Variants in CTNNA2 observed in about 807,000 individuals in gnomAD.
CTNNA2 encodes catenin alpha 2.
A neutral mutation model predicts 101.0 loss-of-function variants in CTNNA2; 42 were observed. The observed-to-expected ratio is 0.42, with a 90% CI of 0.32 to 0.54. The LOEUF is 0.54. CTNNA2 is among the 20% of genes least tolerant of loss of function. CTNNA2 has a pLI of 0.14. For synonymous variants in CTNNA2, 450 were observed against 456.4 expected, an observed-to-expected ratio of 0.99 and a Z score of 0.18; for missense variants, 871 against 1,223.1, an observed-to-expected ratio of 0.71 and a Z score of 4.29.
Position 79,209,741 on chromosome 2 carries a change from C to G in CTNNA2, c.-406+11665C>G, listed in dbSNP as rs188002741. 9.0e-5 allele frequency among the ~76,000 whole-genome samples: 3 copies of G among 33,350 alleles called. No individual in the cohort carries two copies. In the African/African-American group the frequency reaches 1.6e-3, roughly 18 times the overall value. 21.9% of individuals were successfully genotyped at this position (33,350 alleles called of 152,430 possible). ...CTTATCTATCAGGTCTGAAATATTA[C>G]TCCTTAAGGGTCCTTGAAGATTTTG... On this transcript the variant is annotated intron_variant, in intron 2 of 21. Coordinates refer to the CTNNA2 transcript ENST00000466387.
At chr2:79,319,843 A>G (rs1676578357) in intron 3 of CTNNA2, 1 of 152,182 alleles carries the variant, frequency 6.6e-6, no homozygotes, top group Admixed American at 6.5e-5. Flanking sequence ...AAAAGCAAGA[A>G]GCAGGAAGAT....
At chr2:80,055,045 G>A (rs111812245) in intron 7 of CTNNA2, among the ~76,000 whole-genome samples, 2,770 of 151,952 alleles carry the variant, frequency 0.018, 79 homozygotes, top group African/African-American at 0.063. Flanking sequence ...GTTATTTTTC[G>A]AGACAAGGTC....
At chr2:80,073,372 C>A (rs1286533630) in intron 7 of CTNNA2, among the ~76,000 whole-genome samples, 16 of 152,108 alleles carry the variant, frequency 1.1e-4, no homozygotes, top group African/African-American at 3.4e-4. Context: ...GGGCAGAGAT[C>A]ATCAGAGATT....
chr2:80,111,764 G>A (rs1399731473), intron 7 of CTNNA2, among the ~76,000 whole-genome samples: 6 of 152,090 alleles, frequency 3.9e-5, no homozygotes, highest in Non-Finnish European at 1.5e-5. Context: ...CTGATCTCAA[G>A]CAACCTTCCT....
chr2:80,603,019 T>C (rs1440984379), intron 15 of CTNNA2, among the ~76,000 whole-genome samples: 1 of 152,052 alleles, frequency 6.6e-6, no homozygotes, highest in Non-Finnish European at 1.5e-5. Context: ...ATAGCAATCA[T>C]TGCCCTCTCT....
intron 17 of CTNNA2, among the ~76,000 whole-genome samples, chr2:80,611,320 G>A (rs760671796): frequency 6.6e-6 from 1 of 151,104 alleles, no homozygotes; most frequent in Non-Finnish European, 1.5e-5. Context: ...GGGGAGGGGA[G>A]GGTAGAAGAG....
intron 3 of CTNNA2, among the ~76,000 whole-genome samples, chr2:79,326,029 A>C (rs1308768000): frequency 6.6e-6 from 1 of 152,160 alleles, no homozygotes; most frequent in Non-Finnish European, 1.5e-5. Context: ...AAACAGAATA[A>C]AGCTGTTGGG....
At chr2:80,101,102 ATGT>A (rs1558809164) in intron 7 of CTNNA2, among the ~76,000 whole-genome samples, 1 of 152,186 alleles carries the variant, frequency 6.6e-6, no homozygotes, top group Non-Finnish European at 1.5e-5. Context: ...TCCAAGTGAA[ATGT>A]TGTCTTTTTA....
intron 18 of CTNNA2, among the ~76,000 whole-genome samples, chr2:80,640,271 A>G (rs1372046534): frequency 6.6e-6 from 1 of 152,130 alleles, no homozygotes; most frequent in Non-Finnish European, 1.5e-5. Flanking sequence ...TGCTCTTGGG[A>G]GGTAAATAAG....
upstream of CTNNA2, among the ~76,000 whole-genome samples, chr2:79,512,669 G>A (rs1671582175): frequency 6.6e-6 from 1 of 151,828 alleles, no homozygotes; most frequent in Non-Finnish European, 1.5e-5. Flanking sequence ...TAACGCGGTT[G>A]TCATGGACAC....
intron 7 of CTNNA2, among the ~76,000 whole-genome samples, chr2:79,935,106 A>G (rs1687689848): frequency 6.6e-6 from 1 of 152,210 alleles, no homozygotes; most frequent in African/African-American, 2.4e-5. Flanking sequence ...TAATAACAAC[A>G]ATGAAAATAA....
At chr2:79,653,228 C>G (rs1681379557) in intron 2 of CTNNA2, among the ~76,000 whole-genome samples, 1 of 152,130 alleles carries the variant, frequency 6.6e-6, no homozygotes, top group African/African-American at 2.4e-5. Context: ...ATTATTTCTT[C>G]ATTTTCATGA....
At chr2:80,474,094 A>C (rs1222397065) in intron 9 of CTNNA2, among the ~76,000 whole-genome samples, 1 of 152,214 alleles carries the variant, frequency 6.6e-6, no homozygotes, top group African/African-American at 2.4e-5. Context: ...GGCAGTTGTC[A>C]TTTACCAAAA....
chr2:79,706,296 G>A (rs1034026775), intron 2 of CTNNA2, among the ~76,000 whole-genome samples: 1 of 150,520 alleles, frequency 6.6e-6, no homozygotes, highest in South Asian at 2.1e-4. Context: ...CCGGGAGGCG[G>A]AGCTTGCAGT....
At chr2:79,967,984 T>C (rs1344714409) in intron 7 of CTNNA2, among the ~76,000 whole-genome samples, 1 of 152,204 alleles carries the variant, frequency 6.6e-6, no homozygotes, top group Non-Finnish European at 1.5e-5. Context: ...TCCCTTTATA[T>C]AAAATATCCA....
intron 7 of CTNNA2, among the ~76,000 whole-genome samples, chr2:79,998,478 A>G (rs115498408): frequency 0.021 from 3,171 of 152,290 alleles, 91 homozygotes; most frequent in African/African-American, 0.065. Flanking sequence ...TCACTCATAA[A>G]TGGAAGGGTA....
intron 7 of CTNNA2, among the ~76,000 whole-genome samples, chr2:79,968,336 T>C (rs1390915202): frequency 6.6e-6 from 1 of 152,232 alleles, no homozygotes; most frequent in Non-Finnish European, 1.5e-5. Context: ...GTTTAGGGCA[T>C]TCTTTGTAAA....
At chr2:79,825,343 G>A (rs1369032712) in intron 3 of CTNNA2, among the ~76,000 whole-genome samples, 1 of 152,182 alleles carries the variant, frequency 6.6e-6, no homozygotes, top group African/African-American at 2.4e-5. Flanking sequence ...AAAATTGGTT[G>A]GAGTAGAAAT....
At chr2:80,176,886 CGTT>C (rs1301906550) in intron 7 of CTNNA2, among the ~76,000 whole-genome samples, 1 of 152,124 alleles carries the variant, frequency 6.6e-6, no homozygotes, top group Non-Finnish European at 1.5e-5. Context: ...TTAATAGAAT[CGTT>C]GTTGTGTCTT....
Sources: gnomAD v4.1 joint callset for allele counts (sites outside exome capture counted in the v4.1 genomes callset) on GRCh38, gnomAD v4.1.1 for gene constraint, MANE v1.5 for transcripts, NCBI Gene and HGNC (gene_info 2026-07-23, HGNC 2026-07-21) for gene names.